AGBL4: variants seen among roughly 807,000 people sequenced by gnomAD.
AGBL4 encodes the protein AGBL carboxypeptidase 4, also known as cytosolic carboxypeptidase 6.
In AGBL4, 58 loss-of-function variants were observed where a neutral mutation model predicts 66.4. That is an observed-to-expected ratio of 0.87 (90% CI 0.71 to 1.09). The LOEUF is 1.09. Ranked by LOEUF, AGBL4 falls within the 50% of genes least tolerant of loss-of-function variation. The pLI is 0.00. For missense variants in AGBL4, 579 were observed against 631.0 expected (o/e 0.92, Z 0.88); for synonymous variants, 234 against 222.9 (o/e 1.05, Z -0.44).
At chr1:49,698,275 A>G (rs1470701969) in intron 2 of AGBL4, among the ~76,000 whole-genome samples, 1 of 152,180 alleles carries the variant, frequency 6.6e-6, no homozygotes, top group Non-Finnish European at 1.5e-5. Flanking sequence ...TAAAGTTAGA[A>G]TCATATTAAT....
chr1:49,862,631 C>T (rs1646602206), intron 1 of AGBL4, among the ~76,000 whole-genome samples: 1 of 152,006 alleles, frequency 6.6e-6, no homozygotes, highest in African/African-American at 2.4e-5. Context: ...AAAGAAAGGA[C>T]CCTAAAAGCA....
At chr1:49,774,251 A>G (rs940132149) in intron 2 of AGBL4, among the ~76,000 whole-genome samples, 3 of 152,176 alleles carry the variant, frequency 2.0e-5, no homozygotes, top group Non-Finnish European at 4.4e-5. Flanking sequence ...GGGACCACTA[A>G]AAGTCTCCAG....
chr1:48,909,782 C>T (rs2148879310), intron 5 of AGBL4, among the ~76,000 whole-genome samples: 1 of 152,310 alleles, frequency 6.6e-6, no homozygotes, highest in African/African-American at 2.4e-5. Flanking sequence ...CATGTAACCA[C>T]AAGTTTCCGT....
At chr1:49,503,613 A>G (rs1248405451) in intron 3 of AGBL4, among the ~76,000 whole-genome samples, 1 of 152,200 alleles carries the variant, frequency 6.6e-6, no homozygotes, top group East Asian at 1.9e-4. Flanking sequence ...AAGCTGTGGG[A>G]GCCCACCTCT....
intron 3 of AGBL4, among the ~76,000 whole-genome samples, chr1:49,364,374 T>C (rs1307211831): frequency 6.6e-6 from 1 of 152,188 alleles, no homozygotes; most frequent in African/African-American, 2.4e-5. Context: ...TCCTCAATTA[T>C]TTAATCTATA....
intron 4 of AGBL4, among the ~76,000 whole-genome samples, chr1:49,222,955 G>A (rs1349469657): frequency 6.6e-5 from 10 of 152,086 alleles, no homozygotes; most frequent in Non-Finnish European, 1.2e-4. Context: ...CACAGACAGT[G>A]AGAAGCCTAA....
intron 3 of AGBL4, among the ~76,000 whole-genome samples, chr1:49,432,590 T>G (rs1312049936): frequency 1.3e-5 from 2 of 152,228 alleles, no homozygotes; most frequent in Non-Finnish European, 2.9e-5. Flanking sequence ...ATTATTTTTA[T>G]AAAATAGAAT....
At chr1:48,657,364 G>GA (rs879723906) in intron 7 of AGBL4, among the ~76,000 whole-genome samples, 3 of 152,164 alleles carry the variant, frequency 2.0e-5, no homozygotes, top group Non-Finnish European at 4.4e-5. Flanking sequence ...TGTTCCAGCC[G>GA]AAAAAAACCT....
chr1:49,899,576 C>T (rs75308984), intron 1 of AGBL4, among the ~76,000 whole-genome samples: 12,370 of 151,844 alleles, frequency 0.081, 703 homozygotes, highest in African/African-American at 0.17. Context: ...ATTATTCTAC[C>T]TACATGGACT....
At chr1:49,305,463 T>C (rs995321930) in intron 3 of AGBL4, among the ~76,000 whole-genome samples, 1 of 152,132 alleles carries the variant, frequency 6.6e-6, no homozygotes, top group Non-Finnish European at 1.5e-5. Context: ...AAATACTGTA[T>C]TTTCTATCCA....
intron 1 of AGBL4, among the ~76,000 whole-genome samples, chr1:50,022,823 C>T (rs1317277251): frequency 6.6e-6 from 1 of 152,172 alleles, no homozygotes; most frequent in African/African-American, 2.4e-5. Flanking sequence ...ACATCCAGTT[C>T]TTCAGTGGTC....
intron 7 of AGBL4, among the ~76,000 whole-genome samples, chr1:48,659,929 T>C (rs528066622): frequency 6.6e-6 from 1 of 152,378 alleles, no homozygotes; most frequent in East Asian, 1.9e-4. Flanking sequence ...GCAGGATTTC[T>C]ATTATTATTT....
chr1:49,204,082 G>A (rs12077481), intron 4 of AGBL4, among the ~76,000 whole-genome samples: 121 of 152,210 alleles, frequency 7.9e-4, no homozygotes, highest in African/African-American at 2.7e-3. Context: ...TAGGAATATA[G>A]AAGCCATTTC....
chr1:50,023,824 A>G lies in AGBL4; in HGVS notation c.-28T>C. 1 of 1,546,306 alleles carries G rather than the reference A, an allele frequency of 6.5e-7. No individual in the cohort carries two copies. The highest frequency in any genetic ancestry group is 8.7e-7 in the Non-Finnish European group (1 of 1,144,422). On this transcript the variant is annotated 5_prime_UTR_variant, in exon 1 of 14. Transcript: ENST00000371839. Reference sequence around the variant, plus strand: ...TTGTTGTCCCTCAGTCTCCGAGCTCACGCGAAGACCGCGGGGCAGTAGGGA... The same window carrying G: ...TTGTTGTCCCTCAGTCTCCGAGCTCGCGCGAAGACCGCGGGGCAGTAGGGA...
At chr1:49,293,585 G>A (rs1644585732) in intron 3 of AGBL4, among the ~76,000 whole-genome samples, 1 of 152,170 alleles carries the variant, frequency 6.6e-6, no homozygotes, top group Admixed American at 6.5e-5. Context: ...ACTCCCTGAG[G>A]AGATTCTGAA....
chr1:49,667,225 A>C (rs1451742690), intron 3 of AGBL4, among the ~76,000 whole-genome samples: 1 of 152,094 alleles, frequency 6.6e-6, no homozygotes, highest in Non-Finnish European at 1.5e-5. Context: ...TTGGAAGGCC[A>C]AGGCAGGTAG....
At chr1:49,989,527 T>C (rs993048390) in intron 1 of AGBL4, among the ~76,000 whole-genome samples, 1 of 152,164 alleles carries the variant, frequency 6.6e-6, no homozygotes, top group African/African-American at 2.4e-5. Flanking sequence ...CAAACTTATT[T>C]TTTTCTTCAA....
Position 48,533,472 on chromosome 1 carries a change from C to A in AGBL4, c.*701G>T, listed in dbSNP as rs1438962908. On this transcript the variant is annotated 3_prime_UTR_variant, in exon 14 of 14. Coordinates refer to ENST00000371839, the MANE Select transcript of AGBL4 (RefSeq NM_032785.4). The stretch of plus-strand genomic sequence containing the variant: ...TCACCTGGGATCTGGAGACCTTAAC[C>A]ATAATAAACCTTTTAAAATGAGTGA... 6.6e-6 allele frequency: 1 copy of A among 152,382 alleles called. No homozygotes were observed. Among genetic ancestry groups the A allele is most frequent in the African/African-American group, 2.4e-5 (1 of 41,428 alleles). 9.4% of individuals were successfully genotyped at this position (152,382 alleles called of 1,614,324 possible).
At chr1:48,857,590 A>G (rs1012010233) in intron 6 of AGBL4, among the ~76,000 whole-genome samples, 2 of 152,010 alleles carry the variant, frequency 1.3e-5, no homozygotes, top group African/African-American at 4.8e-5. Context: ...GTGTGGTGGC[A>G]GGCGCCTGCA....
Sources: allele counts gnomAD v4.1 joint callset (sites outside exome capture counted in the v4.1 genomes callset), GRCh38; gene constraint gnomAD v4.1.1; transcripts MANE v1.5; gene names NCBI Gene and HGNC (gene_info 2026-07-23, HGNC 2026-07-21).